The following PLBD2 variants were observed in gnomAD, a reference collection of about 807,000 sequenced individuals.
The protein encoded by PLBD2 is phospholipase B domain containing 2.
PLBD2 carries 51 observed loss-of-function variants against 68.3 expected under a neutral mutation model. The ratio of observed to expected loss-of-function variants is 0.75; its 90% CI spans 0.60 to 0.94. The LOEUF (loss-of-function observed/expected upper bound fraction) is 0.94. Among genes scored for constraint, PLBD2 ranks in the 40% least tolerant of loss-of-function variants. The pLI is 0.00. For missense variants in PLBD2, 729 were observed against 792.2 expected (o/e 0.92, Z 0.96); for synonymous variants, 314 against 339.3 (o/e 0.93, Z 0.82).
rs1429579173 is a variant in PLBD2 at position 113,389,778 on chromosome 12, C to T, written c.*1152C>T. 3 of 152,194 alleles carry T rather than the reference C, an allele frequency of 2.0e-5. No individual in the cohort carries two copies. The highest frequency in any genetic ancestry group is 3.9e-4 in the East Asian group (2 of 5,168). 9.4% of individuals were successfully genotyped at this position (152,194 alleles called of 1,614,324 possible). ...CTGGAGTGCAATGGCATAATCTCTG[C>T]TCACTGCAACCTCTGCTTCCTGGGT... On this transcript the variant is annotated 3_prime_UTR_variant, in exon 12 of 12. Transcript: ENST00000280800.
chr12:113,381,332 A>C (rs1395444523), intron 6 of PLBD2, among the ~76,000 whole-genome samples: 7 of 151,766 alleles, frequency 4.6e-5, no homozygotes, highest in Non-Finnish European at 4.4e-5. Flanking sequence ...GGTTTGCTGA[A>C]TAGAGGCTGT....
intron 8 of PLBD2, 61 bp from the exon 9 acceptor site, chr12:113,385,151 G>T (rs745977112): frequency 1.2e-5 from 18 of 1,564,170 alleles, no homozygotes; most frequent in Non-Finnish European, 7.0e-6. Flanking sequence ...CCCGAGCAGG[G>T]CAGTGCCCAC....
At chr12:113,361,694 A>G (rs190267510) in intron 1 of PLBD2, among the ~76,000 whole-genome samples, 3 of 151,924 alleles carry the variant, frequency 2.0e-5, no homozygotes, top group African/African-American at 7.2e-5. Flanking sequence ...ACACCCCCAC[A>G]CAGCCTGGAA....
chr12:113,380,843 G>A lies in PLBD2; in HGVS notation c.957+1G>A, dbSNP rs755796548. 6 of 1,552,728 alleles carry A rather than the reference G, an allele frequency of 3.9e-6. No individual in the cohort carries two copies. Among genetic ancestry groups the A allele is most frequent in the South Asian group, 1.2e-5 (1 of 84,240 alleles). On this transcript the variant is annotated splice_donor_variant, in intron 6 of 11. Coordinates refer to ENST00000280800, the MANE Select transcript of PLBD2 (RefSeq NM_173542.4). LOFTEE classifies it high-confidence loss of function. ...CTTCTACATCCTGGGCAGTGGGCTGGTGAGTCCCTTTCTCATGTCTCCTCT... is the reference window on the plus strand; with the variant it reads ...CTTCTACATCCTGGGCAGTGGGCTGATGAGTCCCTTTCTCATGTCTCCTCT...
chr12:113,379,307 CAAAAAAAAAAAAA>C (rs759130410), intron 5 of PLBD2, among the ~76,000 whole-genome samples: 1 of 46,480 alleles, frequency 2.2e-5, no homozygotes, highest in East Asian at 5.8e-4. Flanking sequence ...GACTCTGTCT[CAAAAAAAAAAAAA>C]AAAAAAAAAA....
At chr12:113,358,991 C>A in intron 1 of PLBD2, 101 bp downstream of exon 1, 2 of 1,288,408 alleles carry the variant, frequency 1.6e-6, no homozygotes, top group East Asian at 6.3e-5. Flanking sequence ...CGGGTGGGAA[C>A]GCCCGTTTCT....
intron 9 of PLBD2, among the ~76,000 whole-genome samples, chr12:113,386,583 G>A (rs1249102579): frequency 1.3e-5 from 2 of 149,988 alleles, no homozygotes; most frequent in East Asian, 2.0e-4. Flanking sequence ...GCAATGGCTC[G>A]ATCTCAGCTC....
chr12:113,390,594 C>T lies in PLBD2; in HGVS notation c.*1968C>T, dbSNP rs1452658824. On this transcript the variant is annotated 3_prime_UTR_variant, in exon 12 of 12. Coordinates refer to ENST00000280800, the MANE Select transcript of PLBD2 (RefSeq NM_173542.4). The stretch of plus-strand genomic sequence containing the variant: ...ATTTATCATCCATCTACCCACTCAC[C>T]CATCCATCCAACCTTCCAACCATTT... 2.0e-5 allele frequency: 3 copies of T among 152,112 alleles called. No individual in the cohort carries two copies. The highest frequency in any genetic ancestry group is 4.4e-5 in the Non-Finnish European group (3 of 68,022). The allele number at this position is 152,112 out of a possible 1,614,324, so 9.4% of individuals were successfully genotyped here.
rs114120352 is a variant in PLBD2, at chr12:113,372,621, C to T, written c.385-28C>T. 3,360 of 1,604,498 alleles carry T rather than the reference C, an allele frequency of 2.1e-3. 51 individuals are homozygous for T. The African/African-American group carries it at 0.036, about 17-fold the overall frequency. ...GAAGAGAGCACCCCAGCTGCCCGCC[C>T]TTGCCTCGCCCACCCCCTACCCCAC... On this transcript the variant is annotated intron_variant, in intron 2 of 11. Transcript: ENST00000280800. This position sits in a 1 kb window ranked among gnomAD's most constrained non-coding sequence, Gnocchi z 4.2.
At chr12:113,374,335 G>C (rs1269079189) in intron 3 of PLBD2, 139 bp from the exon 4 acceptor site, 1 of 619,962 alleles carries the variant, frequency 1.6e-6, no homozygotes, top group African/African-American at 1.8e-5. Flanking sequence ...GGGGAGTCAA[G>C]GCTGGCTGGA....
intron 5 of PLBD2, 92 bp from the exon 6 acceptor site, chr12:113,380,653 G>A: frequency 2.0e-6 from 2 of 1,008,180 alleles, no homozygotes; most frequent in Non-Finnish European, 3.0e-6. Context: ...AGGCCTGCCT[G>A]TGCCCCTGTG....
chr12:113,387,117 G>C lies in PLBD2; in HGVS notation c.1439+28G>C, dbSNP rs539284281. 1.2e-4 allele frequency: 187 copies of C among 1,539,254 alleles called. 1 individual carries two copies. The East Asian group carries it at 4.3e-3, about 35-fold the overall frequency. On this transcript the variant is annotated intron_variant, in intron 10 of 11. Transcript: ENST00000280800. Reference sequence around the variant, plus strand: ...AGGTGCCAGTTGGGTGGTGGGTTGGGGAGAGGGAGGCCGCAGGAACACAGA... The same window carrying C: ...AGGTGCCAGTTGGGTGGTGGGTTGGCGAGAGGGAGGCCGCAGGAACACAGA...
chr12:113,374,699 C>G, intron 4 of PLBD2, 94 bp from the exon 5 acceptor site: 1 of 1,506,896 alleles, frequency 6.6e-7, no homozygotes, highest in Non-Finnish European at 9.1e-7. Flanking sequence ...AGTCAGCTGA[C>G]TTCCCAGAGC....
At chr12:113,386,874 G>C in intron 9 of PLBD2, 63 bp from the exon 10 acceptor site, 1 of 1,577,508 alleles carries the variant, frequency 6.3e-7, no homozygotes, top group Non-Finnish European at 8.6e-7. Context: ...TCCCCTCCCT[G>C]GCCACAGCCT....
At chr12:113,380,148 T>C (rs928736812) in intron 5 of PLBD2, among the ~76,000 whole-genome samples, 1 of 151,942 alleles carries the variant, frequency 6.6e-6, no homozygotes, top group Non-Finnish European at 1.5e-5. Context: ...TATTTATTTA[T>C]TTTTTTTAGA....
rs558937589 is a variant in PLBD2 at position 113,380,922 on chromosome 12, C to T, written c.957+80C>T. ...TCTGAGCTGGCAGGATTGATTCCTG[C>T]GGCAAGTGGGGACCAGGCTGCAGCC... On this transcript the variant is annotated intron_variant, in intron 6 of 11. Transcript: ENST00000280800. 2.9e-5 allele frequency: 40 copies of T among 1,356,332 alleles called. No individual in the cohort carries two copies. In the East Asian group the frequency reaches 5.8e-4, roughly 20 times the overall value. 84.0% of individuals were successfully genotyped at this position (1,356,332 alleles called of 1,614,324 possible). A position where few individuals can be genotyped will look rare whatever the true frequency, so the allele number is the denominator to read the frequency against.
Position 113,385,276 on chromosome 12 carries a change from A to G in PLBD2, c.1279A>G (p.Asn427Asp). Residue 427 changes from asparagine to aspartate, a missense_variant, in exon 9 of 12, where the codon AAC becomes GAC. By Grantham distance (23) the Asn-to-Asp change is conservative. Transcript: ENST00000280800. ...CCAGAAGACCTACTGGGCCAGCTAC[A>G]ACATACCGTGCGTGCCTTCTCACTC... ...LYQKTYWASYNIPSFETVFNA... is the reference protein window; with the variant it reads ...LYQKTYWASYDIPSFETVFNA... The G allele has an allele frequency of 3.1e-6, 5 of 1,614,140 alleles. No homozygotes were observed. Among genetic ancestry groups the G allele is most frequent in the Non-Finnish European group, 4.2e-6 (5 of 1,179,970 alleles).
rs1361145448 is a variant in PLBD2, at chr12:113,372,464, G to T, written c.385-185G>T. Among the ~76,000 whole-genome samples, 2 of 152,142 alleles carry T rather than the reference G, an allele frequency of 1.3e-5. No individual in the cohort carries two copies. The highest frequency in any genetic ancestry group is 1.3e-4 in the Admixed American group (2 of 15,280). On this transcript the variant is annotated intron_variant, in intron 2 of 11. Transcript: ENST00000280800. This position sits in a 1 kb window ranked among gnomAD's most constrained non-coding sequence, Gnocchi z 4.2. Reference sequence around the variant, plus strand: ...AAGGCTCTCAGGGCAACTTCCAGGGGCCTGGGGTCCCTATCCGGGGCAGAG... The same window carrying T: ...AAGGCTCTCAGGGCAACTTCCAGGGTCCTGGGGTCCCTATCCGGGGCAGAG...
chr12:113,359,212 T>A (rs2136894685), intron 1 of PLBD2: 1 of 320,748 alleles, frequency 3.1e-6, no homozygotes, highest in East Asian at 6.3e-5. Context: ...GTGGGTAAAT[T>A]CTATCCTCAC....
Sources: allele counts gnomAD v4.1 joint callset (sites outside exome capture counted in the v4.1 genomes callset), GRCh38; gene constraint gnomAD v4.1.1; non-coding constraint Gnocchi (gnomAD v3.1); transcripts MANE v1.5; gene names NCBI Gene and HGNC (gene_info 2026-07-23, HGNC 2026-07-21).